The following ROR1 variants were observed in gnomAD, a reference collection of about 807,000 sequenced individuals.
The protein encoded by ROR1 is ROR family WNT receptor 1, also known as inactive tyrosine-protein kinase transmembrane receptor ROR1.
Under a neutral mutation model 78.8 loss-of-function variants are expected in ROR1, and 19 were observed. The ratio of observed to expected loss-of-function variants is 0.24; its 90% CI spans 0.17 to 0.35. ROR1 has a LOEUF of 0.35. Among genes scored for constraint, ROR1 ranks in the 10% least tolerant of loss-of-function variants. The pLI, the probability that ROR1 is intolerant of heterozygous loss-of-function variation, is 1.00. For missense variants in ROR1, 917 were observed against 1,177.8 expected (o/e 0.78, Z 3.24); for synonymous variants, 386 against 433.6 (o/e 0.89, Z 1.36).
rs76744582 is a variant in ROR1 at position 63,838,150 on chromosome 1, T to C, written c.91+63642T>C. ...ATGATAATAGTAAGTATATTTGTGA[T>C]AATAGTAAGTATACTTGATAATAGT... On this transcript the variant is annotated intron_variant, in intron 1 of 8. Transcript: ENST00000371079. Among the ~76,000 whole-genome samples the C allele has an allele frequency of 5.1e-4, 77 of 152,316 alleles. No homozygotes were observed. In the East Asian group the frequency reaches 0.01, roughly 21 times the overall value.
intron 4 of ROR1, chr1:64,094,761 T>C (rs1239354385): frequency 6.6e-6 from 1 of 152,338 alleles, no homozygotes; most frequent in Non-Finnish European, 1.5e-5. Flanking sequence ...AGCTGATTTT[T>C]GTATTTTTAG....
At chr1:64,060,525 G>A (rs918181014) in intron 4 of ROR1, among the ~76,000 whole-genome samples, 2 of 152,216 alleles carry the variant, frequency 1.3e-5, no homozygotes, top group East Asian at 1.9e-4. Context: ...GTGAAGAAGT[G>A]TAGCTGGGTG....
rs549029701 is a variant in ROR1 at position 64,027,287 on chromosome 1, C to T, written c.163+17911C>T. Among the ~76,000 whole-genome samples the T allele has an allele frequency of 2.6e-5, 4 of 152,306 alleles. No individual in the cohort carries two copies. The East Asian group carries it at 7.7e-4, about 29-fold the overall frequency. On this transcript the variant is annotated intron_variant, in intron 2 of 8. Coordinates refer to ENST00000371079, the MANE Select transcript of ROR1 (RefSeq NM_005012.4). ...TCCTAGCTTGTTTTCCAGATCCTTC[C>T]CTCATAAAAGGTGGGCTCCTGGAGT...
chr1:63,805,340 G>A (rs561782654), intron 1 of ROR1, among the ~76,000 whole-genome samples: 21 of 152,338 alleles, frequency 1.4e-4, no homozygotes, highest in Middle Eastern at 3.4e-3. Flanking sequence ...TGACCTTGGA[G>A]CTCAGCCTCT....
At chr1:63,866,261 T>C (rs1262757808) in intron 1 of ROR1, among the ~76,000 whole-genome samples, 1 of 152,086 alleles carries the variant, frequency 6.6e-6, no homozygotes, top group Non-Finnish European at 1.5e-5. Flanking sequence ...GGTGTACTTC[T>C]TGTGGTCTGG....
chr1:63,912,092 A>T (rs898639714), intron 1 of ROR1, among the ~76,000 whole-genome samples: 2 of 149,394 alleles, frequency 1.3e-5, no homozygotes. Flanking sequence ...TTTGAGACCA[A>T]CCTGAGAAAC....
intron 1 of ROR1, among the ~76,000 whole-genome samples, chr1:63,822,640 A>G (rs1644930202): frequency 6.6e-6 from 1 of 152,112 alleles, no homozygotes; most frequent in South Asian, 2.1e-4. Flanking sequence ...CTTTCCTCCC[A>G]CTTATCAGTG....
chr1:63,948,166 G>A (rs1011322678), intron 1 of ROR1, among the ~76,000 whole-genome samples: 3 of 152,012 alleles, frequency 2.0e-5, no homozygotes, highest in African/African-American at 2.4e-5. Context: ...TGTGCAAGTT[G>A]ATCCCCTGAG....
intron 4 of ROR1, among the ~76,000 whole-genome samples, chr1:64,081,574 C>T (rs576956600): frequency 5.9e-5 from 9 of 151,690 alleles, no homozygotes; most frequent in African/African-American, 1.7e-4. Context: ...CTCAGGAGTT[C>T]GAGACCAGCC....
chr1:63,861,215 C>A (rs1306051981), intron 1 of ROR1, among the ~76,000 whole-genome samples: 1 of 152,196 alleles, frequency 6.6e-6, no homozygotes, highest in Non-Finnish European at 1.5e-5. Flanking sequence ...CAGTGTTTCA[C>A]CAGCAGAAAA....
chr1:63,860,616 C>CAA (rs998021539), intron 1 of ROR1, among the ~76,000 whole-genome samples: 5 of 146,880 alleles, frequency 3.4e-5, no homozygotes, highest in African/African-American at 1.0e-4. Context: ...TACACACACA[C>CAA]AAAATAGCCA....
intron 1 of ROR1, among the ~76,000 whole-genome samples, chr1:64,001,555 G>C (rs1187156814): frequency 6.6e-6 from 1 of 152,170 alleles, no homozygotes. Context: ...GAGAAACTGG[G>C]TGAAGGGTGC....
chr1:64,065,960 A>G (rs1646952651), intron 4 of ROR1, among the ~76,000 whole-genome samples: 1 of 152,240 alleles, frequency 6.6e-6, no homozygotes, highest in South Asian at 2.1e-4. Context: ...TATGTAAGTC[A>G]GGAACCCACT....
intron 7 of ROR1, among the ~76,000 whole-genome samples, chr1:64,146,676 G>A (rs1015278711): frequency 6.7e-6 from 1 of 149,854 alleles, no homozygotes; most frequent in Non-Finnish European, 1.5e-5. Context: ...TTTAAGCAAG[G>A]ATTACAAATT....
intron 4 of ROR1, among the ~76,000 whole-genome samples, chr1:64,089,729 AG>A (rs529511437): frequency 2.0e-5 from 3 of 152,324 alleles, no homozygotes; most frequent in Admixed American, 2.0e-4. Context: ...TTTTGAATGC[AG>A]GAAAAGGTTT....
chr1:63,946,613 A>T (rs1645891705), intron 1 of ROR1, among the ~76,000 whole-genome samples: 1 of 152,240 alleles, frequency 6.6e-6, no homozygotes, highest in Non-Finnish European at 1.5e-5. Flanking sequence ...TATAATTTCC[A>T]CTATATAAAG....
chr1:63,790,664 C>T (rs1028577209), intron 1 of ROR1, among the ~76,000 whole-genome samples: 3 of 152,164 alleles, frequency 2.0e-5, no homozygotes, highest in Admixed American at 6.5e-5. Flanking sequence ...GCTACAGGGA[C>T]GGTGCACCTG....
chr1:64,127,732 C>T (rs1014289823), intron 4 of ROR1, among the ~76,000 whole-genome samples: 34 of 152,108 alleles, frequency 2.2e-4, no homozygotes, highest in African/African-American at 7.7e-4. Context: ...AATAAAATCT[C>T]AATAGGGCAT....
At chr1:64,001,801 C>T (rs1646385042) in intron 1 of ROR1, among the ~76,000 whole-genome samples, 1 of 152,168 alleles carries the variant, frequency 6.6e-6, no homozygotes, top group Admixed American at 6.5e-5. Context: ...ATTAAATGAA[C>T]ATTAAAACTG....
Sources: allele counts gnomAD v4.1 joint callset (sites outside exome capture counted in the v4.1 genomes callset), GRCh38; gene constraint gnomAD v4.1.1; transcripts MANE v1.5; gene names NCBI Gene and HGNC (gene_info 2026-07-23, HGNC 2026-07-21).